The following WNT7A variants were observed in gnomAD, a reference collection of about 807,000 sequenced individuals.
WNT7A encodes the protein Wnt family member 7A.
WNT7A carries 16 observed loss-of-function variants against 28.2 expected under a neutral mutation model. That is an observed-to-expected ratio of 0.57 (90% CI 0.38 to 0.86). WNT7A has a LOEUF of 0.86. Among genes scored for constraint, WNT7A ranks in the 40% least tolerant of loss-of-function variants. WNT7A has a pLI of 0.00. For synonymous variants in WNT7A, 190 were observed against 195.9 expected (o/e 0.97, Z 0.25); for missense variants, 411 against 489.7 (o/e 0.84, Z 1.52).
In WNT7A at chr3:13,838,018, G is replaced by A. The variant is rs137928817; in HGVS notation, c.570+16514C>T. Among the ~76,000 whole-genome samples, 544 of 152,340 alleles carry A rather than the reference G, an allele frequency of 3.6e-3. 4 individuals are homozygous for A. The highest frequency in any genetic ancestry group is 0.012 in the African/African-American group (512 of 41,578). On this transcript the variant is annotated intron_variant, in intron 3 of 3. Coordinates refer to ENST00000285018, the MANE Select transcript of WNT7A (RefSeq NM_004625.4). Reference sequence around the variant, plus strand: ...CGGATGTGTGTGCAAAGACACCTCTGAGATATTCTGTTCCTGCCTTTGGTG... The same window carrying A: ...CGGATGTGTGTGCAAAGACACCTCTAAGATATTCTGTTCCTGCCTTTGGTG...
At chr3:13,844,926 G>A (rs978484947) in intron 3 of WNT7A, among the ~76,000 whole-genome samples, 5 of 152,116 alleles carry the variant, frequency 3.3e-5, no homozygotes, top group East Asian at 1.9e-4. Flanking sequence ...CCCTCTTCCC[G>A]GCAGATTTGA....
chr3:13,865,994 G>C (rs1056011350), intron 2 of WNT7A, among the ~76,000 whole-genome samples: 1 of 152,254 alleles, frequency 6.6e-6, no homozygotes, highest in Non-Finnish European at 1.5e-5. Context: ...TCTTGGACAG[G>C]ATGGTCCAGG....
At chr3:13,834,031 C>T (rs1694325045) in intron 3 of WNT7A, among the ~76,000 whole-genome samples, 1 of 152,370 alleles carries the variant, frequency 6.6e-6, no homozygotes, top group South Asian at 2.1e-4. Context: ...CTGATACCAG[C>T]TTCCACCAAT....
At chr3:13,879,692 G>A (rs1007831598) in intron 1 of WNT7A, 54 bp downstream of exon 1, 387 of 1,583,304 alleles carry the variant, frequency 2.4e-4, no homozygotes, top group Non-Finnish European at 2.3e-4. Flanking sequence ...CTCCCTCCCC[G>A]GGCCGTGCCA....
At chr3:13,868,736 GAA>G (rs1174927764) in intron 2 of WNT7A, among the ~76,000 whole-genome samples, 8 of 141,036 alleles carry the variant, frequency 5.7e-5, no homozygotes, top group African/African-American at 1.9e-4. Context: ...AAGAAAGAAA[GAA>G]GAGAAAGAAA....
intron 3 of WNT7A, among the ~76,000 whole-genome samples, chr3:13,834,954 T>G (rs1423636925): frequency 6.6e-6 from 1 of 152,132 alleles, no homozygotes; most frequent in Admixed American, 6.5e-5. Flanking sequence ...AGTAAATACT[T>G]GCAAATGAAT....
chr3:13,852,033 C>G (rs1181879283), intron 3 of WNT7A, among the ~76,000 whole-genome samples: 1 of 152,244 alleles, frequency 6.6e-6, no homozygotes, highest in Admixed American at 6.5e-5. Context: ...GCGGTGTTGC[C>G]CCTGCCCCAT....
intron 1 of WNT7A, among the ~76,000 whole-genome samples, chr3:13,876,551 C>T (rs1695113894): frequency 6.6e-6 from 1 of 152,194 alleles, no homozygotes; most frequent in African/African-American, 2.4e-5. Context: ...GTGCCTCGTC[C>T]TGGGGCTCAG....
chr3:13,826,020 C>T (rs912504504), intron 3 of WNT7A, among the ~76,000 whole-genome samples: 3 of 152,216 alleles, frequency 2.0e-5, no homozygotes, highest in African/African-American at 4.8e-5. Context: ...CGGTGCTGCC[C>T]GGTGTTTGCA....
At position 13,818,218 on chromosome 3, in the gene WNT7A, T is replaced by C. The variant is rs1694043878; in HGVS notation, c.*726A>G. On this transcript the variant is annotated 3_prime_UTR_variant, in exon 4 of 4. Transcript: ENST00000285018. Reference sequence around the variant, plus strand: ...CTGGGAATTTATTATTTTTCCTCTCTATTTATTCCAAACTGGATTTTTCTA... The same window carrying C: ...CTGGGAATTTATTATTTTTCCTCTCCATTTATTCCAAACTGGATTTTTCTA... 6.6e-6 allele frequency: 1 copy of C among 152,044 alleles called. No homozygotes were observed. The highest frequency in any genetic ancestry group is 2.4e-5 in the African/African-American group (1 of 41,372). The allele number at this position is 152,044 out of a possible 1,614,324, so 9.4% of individuals were successfully genotyped here. A position where few individuals can be genotyped will look rare whatever the true frequency, so the allele number is the denominator to read the frequency against.
chr3:13,867,577 C>T (rs1694930560), intron 2 of WNT7A, among the ~76,000 whole-genome samples: 1 of 152,178 alleles, frequency 6.6e-6, no homozygotes, highest in South Asian at 2.1e-4. Flanking sequence ...ATCTTGGCTC[C>T]TGGTCCACAC....
intron 3 of WNT7A, among the ~76,000 whole-genome samples, chr3:13,851,817 G>A (rs139200520): frequency 6.6e-6 from 1 of 152,328 alleles, no homozygotes; most frequent in East Asian, 1.9e-4. Context: ...ACGCTAGGAT[G>A]TGAACTTCGT....
At chr3:13,865,179 T>G (rs1426632017) in intron 2 of WNT7A, among the ~76,000 whole-genome samples, 1 of 152,126 alleles carries the variant, frequency 6.6e-6, no homozygotes. Flanking sequence ...CTAGATTGAG[T>G]CAGCTCAAGC....
At chr3:13,876,950 T>C (rs13433727) in intron 1 of WNT7A, 1 of 152,146 alleles carries the variant, frequency 6.6e-6, no homozygotes, top group Non-Finnish European at 1.5e-5. Context: ...CATGTCTGTG[T>C]TTTTAATTTG....
rs1385766548 is a variant in WNT7A, at chr3:13,832,817, G to A, written c.571-13394C>T. Among the ~76,000 whole-genome samples the A allele has an allele frequency of 2.6e-5, 4 of 152,254 alleles. No individual in the cohort carries two copies. The East Asian group carries it at 7.7e-4, about 29-fold the overall frequency. ...GGGCCCCTGGAATGCAGCCTGGGAG[G>A]TACAGGAAGAGAGGTTTCCACTCAA... is the stretch of plus-strand genomic sequence containing the variant. On this transcript the variant is annotated intron_variant, in intron 3 of 3. Coordinates refer to ENST00000285018, the MANE Select transcript of WNT7A (RefSeq NM_004625.4).
chr3:13,827,814 C>G (rs1694218830), intron 3 of WNT7A, among the ~76,000 whole-genome samples: 2 of 152,160 alleles, frequency 1.3e-5, no homozygotes, highest in African/African-American at 4.8e-5. Flanking sequence ...TGCTGTCATC[C>G]CTGCCCCCAG....
At chr3:13,825,526 C>A in intron 3 of WNT7A, among the ~76,000 whole-genome samples, 1 of 152,210 alleles carries the variant, frequency 6.6e-6, no homozygotes, top group East Asian at 1.9e-4. Flanking sequence ...ATTAAATGTT[C>A]CCACCATGGC....
intron 3 of WNT7A, among the ~76,000 whole-genome samples, chr3:13,851,046 C>T (rs17038710): frequency 6.6e-6 from 1 of 152,028 alleles, no homozygotes; most frequent in Non-Finnish European, 1.5e-5. Flanking sequence ...TCCATTACGA[C>T]CCTGTTCCTC....
At chr3:13,874,916 A>T (rs755187830) in intron 2 of WNT7A, 31 bp downstream of exon 2, 2 of 1,608,352 alleles carry the variant, frequency 1.2e-6, no homozygotes, top group African/African-American at 2.7e-5. Flanking sequence ...AGCCGGTAAG[A>T]CTCTGCGGGG....
Sources: allele counts gnomAD v4.1 joint callset (sites outside exome capture counted in the v4.1 genomes callset), GRCh38; gene constraint gnomAD v4.1.1; transcripts MANE v1.5; gene names NCBI Gene and HGNC (gene_info 2026-07-23, HGNC 2026-07-21).